The following ST6GAL2 variants were observed in gnomAD, a reference collection of about 807,000 sequenced individuals.
ST6GAL2 encodes beta-galactoside alpha-2,6-sialyltransferase 2.
ST6GAL2 carries 24 observed loss-of-function variants against 37.5 expected under a neutral mutation model. The observed-to-expected ratio is 0.64, with a 90% CI of 0.46 to 0.90. The LOEUF is 0.90. ST6GAL2 is among the 40% of genes least tolerant of loss of function. The pLI is 0.00. For synonymous variants in ST6GAL2, 306 were observed against 295.1 expected (o/e 1.04, Z -0.38); for missense variants, 715 against 712.7 (o/e 1.00, Z -0.04).
chr2:106,829,914 G>GA (rs5833213), intron 5 of ST6GAL2, 152 bp downstream of exon 5: 307 of 667,744 alleles, frequency 4.6e-4, no homozygotes, highest in Middle Eastern at 1.4e-3. Flanking sequence ...TCTGAAATCT[G>GA]AAAAAAAAAA....
chr2:106,844,682 T>C (rs1449086911), intron 1 of ST6GAL2, among the ~76,000 whole-genome samples: 1 of 152,300 alleles, frequency 6.6e-6, no homozygotes, highest in East Asian at 1.9e-4. Flanking sequence ...TCTTCAACAA[T>C]GTCCCCAAGA....
chr2:106,806,972 G>A, intron 5 of ST6GAL2, 23 bp from the exon 6 acceptor site: 1 of 1,587,606 alleles, frequency 6.3e-7, no homozygotes, highest in African/African-American at 1.3e-5. Flanking sequence ...CCAAAAATTA[G>A]AACCTAATGA....
chr2:106,872,213 A>G (rs896456947), intron 1 of ST6GAL2, among the ~76,000 whole-genome samples: 2 of 152,218 alleles, frequency 1.3e-5, no homozygotes, highest in African/African-American at 4.8e-5. Flanking sequence ...ACTGTATACT[A>G]TCTGAAATAA....
At position 106,851,614 on chromosome 2, in the gene ST6GAL2, C is replaced by G. The variant is rs151121401; in HGVS notation, c.-57-7580G>C. Among the ~76,000 whole-genome samples, 75 of 151,754 alleles carry G rather than the reference C, an allele frequency of 4.9e-4. 4 individuals are homozygous for G. The East Asian group carries it at 0.014, about 29-fold the overall frequency. ...CCACTTTAACGATGTCCCTCTTAAG[C>G]CTTGTGGTTGACAAGCTTTATTGCC... On this transcript the variant is annotated intron_variant, in intron 1 of 5. Coordinates refer to ENST00000409382, the MANE Select transcript of ST6GAL2 (RefSeq NM_001142351.2).
chr2:106,810,642 A>C lies in ST6GAL2; in HGVS notation c.1319-3693T>G, dbSNP rs937668114. ...GAGGCATCTTCCAAAAAAAAGGAAAAAAATAATTTAAAACTCACTGTGGAG... is the reference window on the plus strand; with the variant it reads ...GAGGCATCTTCCAAAAAAAAGGAAACAAATAATTTAAAACTCACTGTGGAG... On this transcript the variant is annotated intron_variant, in intron 5 of 5. Coordinates refer to ENST00000409382, the MANE Select transcript of ST6GAL2 (RefSeq NM_001142351.2). Among the ~76,000 whole-genome samples the C allele has an allele frequency of 6.6e-5, 10 of 152,306 alleles. 1 individual carries two copies. The South Asian group carries it at 2.1e-3, about 32-fold the overall frequency.
intron 5 of ST6GAL2, chr2:106,813,277 T>C (rs747468394): frequency 8.0e-6 from 10 of 1,253,924 alleles, no homozygotes; most frequent in Non-Finnish European, 1.0e-5. Context: ...TCTAGGCAAT[T>C]GTGACTCAAG....
In ST6GAL2 at chr2:106,843,089, C is replaced by T. The variant is rs1676964309; in HGVS notation, c.889G>A (p.Ala297Thr). ...ATTGCGCCTGCAGACATGACGACAG[C>T]GCAGCTGCGCAGGCCGCGGGGGTGC... is the stretch of plus-strand genomic sequence containing the variant. ...QLHPRGLRSC[A>T]VVMSAGAILN... Residue 297 changes from alanine to threonine, a missense_variant, in exon 2 of 6, where the codon GCT becomes ACT. Around this residue, in one of 3 missense-constraint regions of ST6GAL2, gnomAD observed 512 missense variants for 488.8 expected, o/e 1.05. Coordinates refer to ENST00000409382, the MANE Select transcript of ST6GAL2 (RefSeq NM_001142351.2). The T allele has an allele frequency of 2.6e-6, 4 of 1,510,410 alleles. No individual in the cohort carries two copies. The highest frequency in any genetic ancestry group is 2.4e-5 in the Admixed American group (1 of 41,550). The allele number at this position is 1,510,410 out of a possible 1,614,324, so 93.6% of individuals were successfully genotyped here. A position where few individuals can be genotyped will look rare whatever the true frequency, so the allele number is the denominator to read the frequency against.
In ST6GAL2 at chr2:106,843,430, C is replaced by T; in HGVS notation, c.548G>A (p.Ser183Asn). Residue 183 changes from serine to asparagine, a missense_variant, in exon 2 of 6, where the codon AGC (serine) becomes AAC (asparagine). Physicochemically the swap from Ser to Asn is conservative, Grantham distance 46 (BLOSUM62 1). Around this residue, in one of 3 missense-constraint regions of ST6GAL2, gnomAD observed 512 missense variants for 488.8 expected, o/e 1.05. Transcript: ENST00000409382. ...VKKRHRRQRRSHVLEEGDDGD... is the reference protein window; with the variant it reads ...VKKRHRRQRRNHVLEEGDDGD... ...GTCGTCGCCCTCCTCCAACACGTGG[C>T]TCCTTCTCTGCCTCCGGTGCCTCTT... The T allele has an allele frequency of 1.2e-6, 2 of 1,614,148 alleles. No homozygotes were observed. Among genetic ancestry groups the T allele is most frequent in the Non-Finnish European group, 1.7e-6 (2 of 1,180,030 alleles).
intron 1 of ST6GAL2, among the ~76,000 whole-genome samples, chr2:106,844,812 A>AT (rs1294140614): frequency 1.3e-5 from 2 of 152,164 alleles, no homozygotes; most frequent in Non-Finnish European, 2.9e-5. Flanking sequence ...AGACTCAGAG[A>AT]AAGGGTAACA....
intron 1 of ST6GAL2, among the ~76,000 whole-genome samples, chr2:106,867,709 G>C (rs1373815397): frequency 6.6e-6 from 1 of 151,172 alleles, no homozygotes; most frequent in Non-Finnish European, 1.5e-5. Flanking sequence ...CCCCCAGCCC[G>C]ACCCCCGCCG....
chr2:106,884,025 A>G (rs1399694857), intron 1 of ST6GAL2, among the ~76,000 whole-genome samples: 5 of 152,136 alleles, frequency 3.3e-5, no homozygotes, highest in African/African-American at 1.2e-4. Context: ...GCTTGGATAA[A>G]TTCTAAACCT....
At chr2:106,810,695 A>AGTGAGCC (rs1216376186) in intron 5 of ST6GAL2, among the ~76,000 whole-genome samples, 2 of 152,172 alleles carry the variant, frequency 1.3e-5, no homozygotes, top group Non-Finnish European at 2.9e-5. Context: ...CACGCCTGGA[A>AGTGAGCC]TCCCAGTACT....
At chr2:106,855,863 A>C (rs898289774) in intron 1 of ST6GAL2, among the ~76,000 whole-genome samples, 2 of 152,178 alleles carry the variant, frequency 1.3e-5, no homozygotes, top group African/African-American at 4.8e-5. Context: ...ACATACATCT[A>C]ACATTTTACA....
intron 2 of ST6GAL2, among the ~76,000 whole-genome samples, chr2:106,840,228 C>T (rs550592021): frequency 4.5e-4 from 68 of 152,304 alleles, no homozygotes; most frequent in Non-Finnish European, 8.1e-4. Context: ...CTTCATTTAG[C>T]CAATTCACAA....
Position 106,843,968 on chromosome 2 carries a change from G to A in ST6GAL2, c.10C>T (p.His4Tyr), listed in dbSNP as rs1341113854. 7.0e-6 allele frequency: 11 copies of A among 1,575,602 alleles called. No homozygotes were observed. Among genetic ancestry groups the A allele is most frequent in the Non-Finnish European group, 7.7e-6 (9 of 1,162,466 alleles). The change falls in exon 2 of 6, where the codon CAC (histidine) becomes TAC (tyrosine). Residue 4 changes from histidine to tyrosine, a missense_variant. By Grantham distance (83) the His-to-Tyr change is moderately conservative (BLOSUM62 2). Around this residue, in one of 3 missense-constraint regions of ST6GAL2, gnomAD observed 512 missense variants for 488.8 expected, o/e 1.05. Coordinates refer to ENST00000409382, the MANE Select transcript of ST6GAL2 (RefSeq NM_001142351.2). Reference protein sequence around the residue: MKPHLKQWRQRMLF... With the variant: MKPYLKQWRQRMLF... ...ATTCGTTGTCTCCATTGCTTCAAGT[G>A]TGGTTTCATGGCAGGTCTCTGCGGT...
rs1675316794 is a variant in ST6GAL2, at chr2:106,803,315, G to A, written c.*3363C>T. On this transcript the variant is annotated 3_prime_UTR_variant, in exon 6 of 6. Transcript: ENST00000409382. ...GAAGCTCTGCCTTCAGGCAGACAAGGAAAGACCTGGTCGTTCAAAGATGTA... is the reference window on the plus strand; with the variant it reads ...GAAGCTCTGCCTTCAGGCAGACAAGAAAAGACCTGGTCGTTCAAAGATGTA... The A allele has an allele frequency of 6.6e-6, 1 of 152,136 alleles. No homozygotes were observed. The highest frequency in any genetic ancestry group is 1.5e-5 in the Non-Finnish European group (1 of 68,046). The allele number at this position is 152,136 out of a possible 1,614,324, so 9.4% of individuals were successfully genotyped here.
intron 5 of ST6GAL2, among the ~76,000 whole-genome samples, chr2:106,812,280 T>C (rs916565428): frequency 3.3e-5 from 5 of 152,214 alleles, no homozygotes; most frequent in Non-Finnish European, 5.9e-5. Flanking sequence ...TCCAGAACCA[T>C]GAGAGAGAAA....
Position 106,842,541 on chromosome 2 carries a change from C to A in ST6GAL2, c.943+494G>T, listed in dbSNP as rs138287265. The stretch of plus-strand genomic sequence containing the variant: ...CAATATTATCTTCATGCACCCTGCT[C>A]TTTGGAGCTGACGCCCTGATTGGGC... On this transcript the variant is annotated intron_variant, in intron 2 of 5. Transcript: ENST00000409382. Among the ~76,000 whole-genome samples the A allele has an allele frequency of 5.3e-3, 800 of 152,330 alleles. 7 individuals carry two copies. The highest frequency in any genetic ancestry group is 0.018 in the African/African-American group (755 of 41,578).
At position 106,835,560 on chromosome 2, in the gene ST6GAL2, A is replaced by C. The variant is rs147489018; in HGVS notation, c.944-1414T>G. Among the ~76,000 whole-genome samples the C allele has an allele frequency of 6.9e-3, 1,046 of 152,316 alleles. 4 individuals carry two copies. The highest frequency in any genetic ancestry group is 0.011 in the Non-Finnish European group (736 of 68,022). On this transcript the variant is annotated intron_variant, in intron 2 of 5. Transcript: ENST00000409382. ...GGTGGCTGTGTCATCAAAACCCTGCAATGTTCTTTTAGGGGAAATTTTGCA... is the reference window on the plus strand; with the variant it reads ...GGTGGCTGTGTCATCAAAACCCTGCCATGTTCTTTTAGGGGAAATTTTGCA...
Sources: allele counts gnomAD v4.1 joint callset (sites outside exome capture counted in the v4.1 genomes callset), GRCh38; gene constraint gnomAD v4.1.1; regional missense constraint gnomAD v4.1.1; transcripts MANE v1.5; gene names NCBI Gene and HGNC (gene_info 2026-07-23, HGNC 2026-07-21).